The following DTNB variants were observed in gnomAD, a reference collection of about 807,000 sequenced individuals.
DTNB encodes the protein dystrobrevin beta.
In DTNB, 63 loss-of-function variants were observed where a neutral mutation model predicts 90.7. That is an observed-to-expected ratio of 0.69 (90% CI 0.57 to 0.86). DTNB has a LOEUF of 0.86. Among genes scored for constraint, DTNB ranks in the 40% least tolerant of loss-of-function variants. DTNB has a pLI of 0.00. For synonymous variants in DTNB, 277 were observed against 286.7 expected (o/e 0.97, Z 0.34); for missense variants, 744 against 807.1 (o/e 0.92, Z 0.95).
chr2:25,615,551 G>A (rs975722665), intron 4 of DTNB, among the ~76,000 whole-genome samples: 4 of 152,044 alleles, frequency 2.6e-5, no homozygotes, highest in Non-Finnish European at 5.9e-5. Flanking sequence ...AAAGAACTGC[G>A]GTCAAAGTCC....
At chr2:25,546,204 A>G (rs570726301) in intron 8 of DTNB, among the ~76,000 whole-genome samples, 31 of 152,334 alleles carry the variant, frequency 2.0e-4, no homozygotes, top group African/African-American at 6.7e-4. Flanking sequence ...CGTCCTTTGC[A>G]TAAGTGGACC....
chr2:25,518,521 C>CAT (rs1461832380), intron 9 of DTNB, among the ~76,000 whole-genome samples: 2 of 152,108 alleles, frequency 1.3e-5, no homozygotes, highest in Admixed American at 6.6e-5. Context: ...AGGTACCACA[C>CAT]ATATATATGC....
chr2:25,446,247 TA>T (rs984829118), intron 12 of DTNB, among the ~76,000 whole-genome samples: 1 of 152,148 alleles, frequency 6.6e-6, no homozygotes, highest in African/African-American at 2.4e-5. Flanking sequence ...CTGTTTTATT[TA>T]ATTTTTGAGA....
chr2:25,415,849 C>T (rs2047785778), intron 16 of DTNB, among the ~76,000 whole-genome samples: 1 of 152,132 alleles, frequency 6.6e-6, no homozygotes, highest in Admixed American at 6.5e-5. Flanking sequence ...CTATGTACAT[C>T]GTCACCTTGG....
chr2:25,574,531 T>C (rs1188505321), intron 8 of DTNB, among the ~76,000 whole-genome samples: 1 of 152,244 alleles, frequency 6.6e-6, no homozygotes, highest in Non-Finnish European at 1.5e-5. Context: ...TGAAAATTCT[T>C]ATACTAGCTG....
intron 9 of DTNB, among the ~76,000 whole-genome samples, chr2:25,509,481 T>A (rs1317372393): frequency 6.6e-6 from 1 of 152,144 alleles, no homozygotes; most frequent in Admixed American, 6.5e-5. Context: ...TTTTTATTCA[T>A]CTGCAAATGT....
At chr2:25,609,552 A>T (rs2067951862) in intron 4 of DTNB, among the ~76,000 whole-genome samples, 1 of 150,956 alleles carries the variant, frequency 6.6e-6, no homozygotes. Flanking sequence ...GAGCTGAGAT[A>T]GCATCATCTC....
intron 6 of DTNB, among the ~76,000 whole-genome samples, chr2:25,595,553 T>C (rs1456664047): frequency 6.6e-6 from 1 of 152,174 alleles, no homozygotes; most frequent in Non-Finnish European, 1.5e-5. Context: ...GACGGTTCTC[T>C]GAAGCATGGT....
chr2:25,625,202 C>T (rs2073846427), intron 4 of DTNB, among the ~76,000 whole-genome samples: 1 of 152,098 alleles, frequency 6.6e-6, no homozygotes, highest in South Asian at 2.1e-4. Flanking sequence ...GGCTGGAAGC[C>T]TCAATTAAAA....
intron 10 of DTNB, among the ~76,000 whole-genome samples, chr2:25,473,112 T>G (rs754135168): frequency 6.6e-6 from 1 of 152,094 alleles, no homozygotes; most frequent in Non-Finnish European, 1.5e-5. Flanking sequence ...AAAGACTAAA[T>G]TGGGGGTAAA....
At chr2:25,534,142 C>CCTTTGG (rs2078870382) in intron 8 of DTNB, among the ~76,000 whole-genome samples, 1 of 152,104 alleles carries the variant, frequency 6.6e-6, no homozygotes, top group Non-Finnish European at 1.5e-5. Context: ...GAGGTCCCTG[C>CCTTTGG]GGCCTTTGGC....
intron 9 of DTNB, among the ~76,000 whole-genome samples, chr2:25,510,788 G>C (rs1196503762): frequency 6.6e-6 from 1 of 152,140 alleles, no homozygotes; most frequent in African/African-American, 2.4e-5. Context: ...GATTACAGGC[G>C]TGAGCCACCA....
At chr2:25,527,295 G>T (rs182347939) in intron 9 of DTNB, among the ~76,000 whole-genome samples, 2 of 152,248 alleles carry the variant, frequency 1.3e-5, no homozygotes, top group Middle Eastern at 3.4e-3. Context: ...AGGCCAAAAG[G>T]GGGTGGATCA....
rs374057669 is a variant in DTNB at position 25,671,674 on chromosome 2, T to C, written c.-2+1712A>G. Among the ~76,000 whole-genome samples the C allele has an allele frequency of 1.2e-3, 183 of 152,352 alleles. 9 individuals are homozygous for C. In the South Asian group the frequency reaches 0.037, roughly 31 times the overall value. ...GTAGAAATTTGTCTCTCGGGCATAG[T>C]GGACATCCAAAAACTCTGCCAGCAC... On this transcript the variant is annotated intron_variant, in intron 1 of 20. Coordinates refer to ENST00000406818, the MANE Select transcript of DTNB (RefSeq NM_021907.5).
At chr2:25,582,895 G>A (rs1473211462) in intron 6 of DTNB, among the ~76,000 whole-genome samples, 1 of 152,140 alleles carries the variant, frequency 6.6e-6, no homozygotes, top group African/African-American at 2.4e-5. Flanking sequence ...TGCAGGAACA[G>A]ATATGGAAAA....
chr2:25,419,520 G>C lies in DTNB; in HGVS notation c.1570C>G (p.Gln524Glu). 1 of 1,558,552 alleles carries C rather than the reference G, an allele frequency of 6.4e-7. No homozygotes were observed. The highest frequency in any genetic ancestry group is 8.7e-7 in the Non-Finnish European group (1 of 1,150,808). Residue 524 changes from glutamine (Q) to glutamate (E), a missense_variant, in exon 16 of 21, where the codon CAG becomes GAG. Coordinates refer to ENST00000406818, the MANE Select transcript of DTNB (RefSeq NM_021907.5). ...MKLLKEEEQK[Q>E]AAQATGSPHT... ...AAATTCCGAAGTTCACTTACTGCCT[G>C]CTTTTGCTCTTCCTCCTGGAGTGTT...
At chr2:25,477,871 C>G (rs1236341158) in intron 10 of DTNB, among the ~76,000 whole-genome samples, 1 of 152,030 alleles carries the variant, frequency 6.6e-6, no homozygotes, top group Non-Finnish European at 1.5e-5. Context: ...CTAGGGTTGG[C>G]TTTCTTCTGG....
chr2:25,652,841 G>T, intron 1 of DTNB, 180 bp from the exon 2 acceptor site: 1 of 516,686 alleles, frequency 1.9e-6, no homozygotes, highest in Non-Finnish European at 3.3e-6. Flanking sequence ...CCTTTTATTT[G>T]ATAGCTTCTA....
At chr2:25,389,260 G>T (rs1181290139) in intron 16 of DTNB, among the ~76,000 whole-genome samples, 1 of 152,218 alleles carries the variant, frequency 6.6e-6, no homozygotes, top group African/African-American at 2.4e-5. Context: ...TGACTCCAAG[G>T]GTGGCAGTGT....
Sources: gnomAD v4.1 joint callset for allele counts (sites outside exome capture counted in the v4.1 genomes callset) on GRCh38, gnomAD v4.1.1 for gene constraint, MANE v1.5 for transcripts, NCBI Gene and HGNC (gene_info 2026-07-23, HGNC 2026-07-21) for gene names.